The following BCL9 variants were observed in gnomAD, a reference collection of about 807,000 sequenced individuals.
BCL9 encodes the protein BCL9 transcription coactivator.
Under a neutral mutation model 88.5 loss-of-function variants are expected in BCL9, and 25 were observed. The observed-to-expected ratio is 0.28, with a 90% confidence interval of 0.21 to 0.39. The LOEUF (loss-of-function observed/expected upper bound fraction) is 0.39, where lower values mean the gene tolerates loss of function less well. Among genes scored for constraint, BCL9 ranks in the 10% least tolerant of loss-of-function variants. BCL9 has a pLI of 1.00. For synonymous variants in BCL9, 711 were observed against 673.3 expected (o/e 1.06, Z -0.87); for missense variants, 1,817 against 1,877.8 (o/e 0.97, Z 0.60).
intron 1 of BCL9, among the ~76,000 whole-genome samples, chr1:147,592,200 A>G (rs1296243281): frequency 1.3e-5 from 2 of 152,236 alleles, no homozygotes; most frequent in Admixed American, 1.3e-4. Flanking sequence ...AGCAGTTGAT[A>G]CAGAACCCCC....
intron 1 of BCL9, among the ~76,000 whole-genome samples, chr1:147,585,473 G>T (rs1417392458): frequency 2.6e-5 from 4 of 152,128 alleles, no homozygotes; most frequent in Non-Finnish European, 5.9e-5. Flanking sequence ...TAACGATGGG[G>T]AGGGGATGAT....
At chr1:147,603,897 A>G (rs142010901) in intron 1 of BCL9, among the ~76,000 whole-genome samples, 190 of 152,308 alleles carry the variant, frequency 1.2e-3, no homozygotes, top group Middle Eastern at 6.8e-3. Flanking sequence ...CGTTTTTTAA[A>G]TGCACAAAAT....
intron 1 of BCL9, among the ~76,000 whole-genome samples, chr1:147,571,970 G>A (rs1655905262): frequency 6.6e-6 from 1 of 152,130 alleles, no homozygotes; most frequent in African/African-American, 2.4e-5. Flanking sequence ...AAAACATCAT[G>A]CCTGTAATCC....
intron 1 of BCL9, among the ~76,000 whole-genome samples, chr1:147,542,807 C>A (rs980055420): frequency 6.6e-5 from 10 of 152,058 alleles, no homozygotes; most frequent in Non-Finnish European, 1.5e-4. Flanking sequence ...GATGCTTGAG[C>A]GAGAAAATGT....
At chr1:147,575,974 TG>T (rs1656093215) in intron 1 of BCL9, among the ~76,000 whole-genome samples, 1 of 152,188 alleles carries the variant, frequency 6.6e-6, no homozygotes, top group South Asian at 2.1e-4. Flanking sequence ...CCAGTTATTT[TG>T]AATGATGACA....
chr1:147,551,413 G>A (rs1570808811), intron 1 of BCL9, among the ~76,000 whole-genome samples: 1 of 152,206 alleles, frequency 6.6e-6, no homozygotes, highest in African/African-American at 2.4e-5. Flanking sequence ...ATGAAGGATA[G>A]TGGCAGGCAC....
chr1:147,601,218 G>A (rs886300748), intron 1 of BCL9, among the ~76,000 whole-genome samples: 1 of 152,084 alleles, frequency 6.6e-6, no homozygotes, highest in Non-Finnish European at 1.5e-5. Context: ...AGTCCAGCTG[G>A]GGACTAATAA....
At chr1:147,593,039 C>A (rs181991709) in intron 1 of BCL9, among the ~76,000 whole-genome samples, 1 of 152,304 alleles carries the variant, frequency 6.6e-6, no homozygotes, top group East Asian at 1.9e-4. Context: ...GAGGAACAAA[C>A]TTCATGAGAA....
rs950048595 is a variant in BCL9, at chr1:147,619,979, C to T, written c.1824C>T (p.Gly608=). 3.1e-6 allele frequency: 5 copies of T among 1,613,942 alleles called. No individual in the cohort carries two copies. Among genetic ancestry groups the T allele is most frequent in the African/African-American group, 1.3e-5 (1 of 74,910 alleles). The change falls in exon 8 of 10, where the codon GGC becomes GGT. Residue 608 remains glycine, a synonymous_variant. Transcript: ENST00000234739. The surrounding 1 kb of genome is among the most constrained non-coding windows in gnomAD (Gnocchi z 4.1). ...KIPDGRNFPP[G]QGIFSGPGRG... ...CAGATGGTCGAAATTTTCCTCCTGG[C>T]CAGGGCATTTTCAGCGGTCCTGGCC...
chr1:147,598,873 G>A (rs1271886802), intron 1 of BCL9, among the ~76,000 whole-genome samples: 2 of 152,204 alleles, frequency 1.3e-5, no homozygotes, highest in African/African-American at 4.8e-5. Flanking sequence ...GCAGCAACCG[G>A]GGCCACACAG....
At chr1:147,590,510 T>A (rs1380071740) in intron 1 of BCL9, among the ~76,000 whole-genome samples, 1 of 152,188 alleles carries the variant, frequency 6.6e-6, no homozygotes, top group Non-Finnish European at 1.5e-5. Flanking sequence ...CTTCAAATCT[T>A]CCTTCCTGTA....
At chr1:147,588,313 G>A (rs782272496) in intron 1 of BCL9, among the ~76,000 whole-genome samples, 11 of 152,190 alleles carry the variant, frequency 7.2e-5, no homozygotes, top group Non-Finnish European at 1.6e-4. Flanking sequence ...TATGATGTGG[G>A]TGGTCTTGAA....
At chr1:147,605,436 C>A (rs181151541) in intron 2 of BCL9, among the ~76,000 whole-genome samples, 1 of 152,180 alleles carries the variant, frequency 6.6e-6, no homozygotes, top group South Asian at 2.1e-4. Flanking sequence ...AGAGAAGGGA[C>A]ATCTGTGCTG....
intron 1 of BCL9, among the ~76,000 whole-genome samples, chr1:147,562,980 C>T (rs1553196287): frequency 6.6e-6 from 1 of 151,804 alleles, no homozygotes; most frequent in African/African-American, 2.4e-5. Context: ...TTTAGCCACA[C>T]TGGCCTTTTT....
intron 1 of BCL9, among the ~76,000 whole-genome samples, chr1:147,564,130 T>C (rs1655502699): frequency 6.6e-6 from 1 of 152,162 alleles, no homozygotes; most frequent in Non-Finnish European, 1.5e-5. Flanking sequence ...TGCCACTCTA[T>C]AGGCGTGTGA....
At chr1:147,589,608 G>T (rs1178638523) in intron 1 of BCL9, among the ~76,000 whole-genome samples, 1 of 152,126 alleles carries the variant, frequency 6.6e-6, no homozygotes, top group East Asian at 1.9e-4. Context: ...CTTCTTTCAG[G>T]CTTCTTCTGC....
intron 2 of BCL9, among the ~76,000 whole-genome samples, chr1:147,606,301 A>G (rs782071092): frequency 3.9e-5 from 6 of 152,228 alleles, no homozygotes; most frequent in Non-Finnish European, 8.8e-5. Context: ...ATGAAAATAA[A>G]TGTTCTTGCT....
intron 1 of BCL9, among the ~76,000 whole-genome samples, chr1:147,588,063 T>G (rs1656697079): frequency 6.6e-6 from 1 of 152,202 alleles, no homozygotes; most frequent in Admixed American, 6.5e-5. Context: ...TTATAATTAT[T>G]GTAATGTCAT....
chr1:147,564,970 G>A (rs182698148), intron 1 of BCL9, among the ~76,000 whole-genome samples: 35 of 152,142 alleles, frequency 2.3e-4, no homozygotes, highest in African/African-American at 7.2e-4. Flanking sequence ...GCCTAATTTC[G>A]AGTACTCAAT....
Sources: allele counts gnomAD v4.1 joint callset (sites outside exome capture counted in the v4.1 genomes callset), GRCh38; gene constraint gnomAD v4.1.1; non-coding constraint Gnocchi (gnomAD v3.1); transcripts MANE v1.5; gene names NCBI Gene and HGNC (gene_info 2026-07-23, HGNC 2026-07-21).